DENND2B: variants seen among roughly 807,000 people sequenced by gnomAD.
The protein encoded by DENND2B is DENN domain-containing protein 2B.
DENND2B carries 32 observed loss-of-function variants against 116.0 expected under a neutral mutation model. That is an observed-to-expected ratio of 0.28 (90% CI 0.21 to 0.37). DENND2B has a LOEUF of 0.37. Among genes scored for constraint, DENND2B ranks in the 10% least tolerant of loss-of-function variants. DENND2B has a pLI of 1.00. For missense variants in DENND2B, 1,276 were observed against 1,477.7 expected (o/e 0.86, Z 2.24); for synonymous variants, 588 against 583.9 (o/e 1.01, Z -0.10).
chr11:8,858,998 G>C (rs561024622), intron 2 of DENND2B, among the ~76,000 whole-genome samples: 18 of 152,302 alleles, frequency 1.2e-4, no homozygotes, highest in Non-Finnish European at 2.4e-4. Context: ...CCTAAGAAAA[G>C]TGAAGACAGA....
intron 1 of DENND2B, among the ~76,000 whole-genome samples, chr11:8,758,410 T>G (rs560362701): frequency 1.3e-5 from 2 of 152,144 alleles, no homozygotes; most frequent in African/African-American, 2.4e-5. Context: ...AGTCTCCAGG[T>G]GTGCTCCGTC....
At chr11:8,694,284 G>A (rs758936093) in intron 19 of DENND2B, among the ~76,000 whole-genome samples, 154 bp from the exon 20 acceptor site, 7 of 152,202 alleles carry the variant, frequency 4.6e-5, no homozygotes, top group African/African-American at 1.7e-4. Context: ...GTGAAAACAC[G>A]TGAGAGCTCT....
chr11:8,799,957 A>G (rs10522860), intron 1 of DENND2B, among the ~76,000 whole-genome samples: 32,607 of 96,034 alleles, frequency 0.34, 4,151 homozygotes, highest in Middle Eastern at 0.49. Flanking sequence ...TATTATTATT[A>G]TTATTATTAT....
intron 1 of DENND2B, among the ~76,000 whole-genome samples, chr11:8,803,823 T>C (rs2060572072): frequency 6.6e-6 from 1 of 152,190 alleles, no homozygotes; most frequent in Non-Finnish European, 1.5e-5. Flanking sequence ...CAGAGCTGGC[T>C]GCAAAGCCTA....
intron 4 of DENND2B, chr11:8,718,949 G>A (rs780718026): frequency 9.1e-6 from 9 of 988,340 alleles, no homozygotes; most frequent in Non-Finnish European, 9.6e-6. Context: ...CAGGTCCCTG[G>A]GGAACTCAGA....
At chr11:8,773,045 T>C (rs1463046429) in intron 1 of DENND2B, among the ~76,000 whole-genome samples, 1 of 152,142 alleles carries the variant, frequency 6.6e-6, no homozygotes, top group East Asian at 1.9e-4. Flanking sequence ...GCTTTACATC[T>C]TGAGTGAAAT....
intron 13 of DENND2B, among the ~76,000 whole-genome samples, chr11:8,704,036 A>C (rs142365775): frequency 6.6e-6 from 1 of 151,964 alleles, no homozygotes; most frequent in Non-Finnish European, 1.5e-5. Flanking sequence ...TCCAGTCCCT[A>C]CTGTCCCTGG....
At chr11:8,849,194 G>A (rs540274889) in intron 3 of DENND2B, among the ~76,000 whole-genome samples, 1 of 152,160 alleles carries the variant, frequency 6.6e-6, no homozygotes, top group South Asian at 2.1e-4. Context: ...GGATACAAAG[G>A]TGAAGAGAAT....
At chr11:8,887,572 A>T (rs1367669263) in intron 1 of DENND2B, among the ~76,000 whole-genome samples, 2 of 152,114 alleles carry the variant, frequency 1.3e-5, no homozygotes, top group Non-Finnish European at 2.9e-5. Flanking sequence ...CATAAAGTCT[A>T]CTCAGCCCTT....
intron 8 of DENND2B, among the ~76,000 whole-genome samples, chr11:8,713,316 CTA>C (rs2044107828): frequency 6.6e-6 from 1 of 152,126 alleles, no homozygotes; most frequent in Non-Finnish European, 1.5e-5. Flanking sequence ...TTTCCTCAGT[CTA>C]CGGCACATTT....
At chr11:8,797,429 C>G (rs2059912876) in intron 1 of DENND2B, among the ~76,000 whole-genome samples, 1 of 148,110 alleles carries the variant, frequency 6.8e-6, no homozygotes, top group Non-Finnish European at 1.5e-5. Context: ...TATTCTTATC[C>G]CCTTCCCCCT....
intron 1 of DENND2B, among the ~76,000 whole-genome samples, chr11:8,895,303 G>A (rs908728105): frequency 7.2e-5 from 11 of 152,072 alleles, no homozygotes; most frequent in African/African-American, 4.8e-5. Flanking sequence ...TGTAAATGAC[G>A]AGTTAATGGG....
At chr11:8,865,516 AGGAAG>A (rs1354718628) in intron 2 of DENND2B, among the ~76,000 whole-genome samples, 1 of 152,090 alleles carries the variant, frequency 6.6e-6, no homozygotes, top group Admixed American at 6.6e-5. Context: ...GTTTAGCCAG[AGGAAG>A]GGAAGGAAAG....
At chr11:8,713,841 T>C (rs2044228542) in intron 8 of DENND2B, among the ~76,000 whole-genome samples, 157 bp downstream of exon 8, 1 of 152,230 alleles carries the variant, frequency 6.6e-6, no homozygotes, top group Non-Finnish European at 1.5e-5. Context: ...GACTTCCCTG[T>C]GGCTCCCTGC....
At chr11:8,733,642 G>A (rs927665572) in intron 2 of DENND2B, among the ~76,000 whole-genome samples, 3 of 152,100 alleles carry the variant, frequency 2.0e-5, no homozygotes, top group East Asian at 1.9e-4. Context: ...TCTCCCCAGC[G>A]GCCCAGGAGA....
At chr11:8,722,362 C>G (rs1048809739) in intron 4 of DENND2B, among the ~76,000 whole-genome samples, 6 of 152,208 alleles carry the variant, frequency 3.9e-5, no homozygotes, top group African/African-American at 1.4e-4. Context: ...GCACTAGGCT[C>G]TCTGCCTCCC....
Position 8,887,985 on chromosome 11 carries a change from T to C in DENND2B, c.-255-6876A>G, listed in dbSNP as rs141666329. Among the ~76,000 whole-genome samples the C allele has an allele frequency of 1.1e-3, 160 of 152,334 alleles. 2 individuals are homozygous for C. The East Asian group carries it at 0.028, about 26-fold the overall frequency. On this transcript the variant is annotated intron_variant, in intron 1 of 22. Coordinates refer to the DENND2B transcript ENST00000534127. ...ATAAACTTTGTGTGGAGGCCAGTTA[T>C]GTTCTCTGCACAAAATGTGGAGAAG...
intron 1 of DENND2B, among the ~76,000 whole-genome samples, chr11:8,752,270 G>A (rs1378325041): frequency 2.0e-5 from 3 of 152,148 alleles, no homozygotes; most frequent in African/African-American, 7.2e-5. Context: ...TGGGCAACAT[G>A]GTGAAACCCC....
At chr11:8,896,068 T>G (rs1257749857) in intron 1 of DENND2B, among the ~76,000 whole-genome samples, 1 of 152,152 alleles carries the variant, frequency 6.6e-6, no homozygotes, top group Non-Finnish European at 1.5e-5. Flanking sequence ...TAACTTACAT[T>G]TATTAAATAG....
Sources: gnomAD v4.1 joint callset for allele counts (sites outside exome capture counted in the v4.1 genomes callset) on GRCh38, gnomAD v4.1.1 for gene constraint, MANE v1.5 for transcripts, NCBI Gene and HGNC (gene_info 2026-07-23, HGNC 2026-07-21) for gene names.